CD70: variants seen among roughly 807,000 people sequenced by gnomAD.
CD70 encodes CD70 antigen.
Under a neutral mutation model 9.0 loss-of-function variants are expected in CD70, and 6 were observed. That is an observed-to-expected ratio of 0.67 (90% CI 0.37 to 1.32). The LOEUF (loss-of-function observed/expected upper bound fraction) is 1.32. Ranked by LOEUF, CD70 falls within the 40% of genes most tolerant of loss-of-function variation. The pLI is 0.02. For missense variants in CD70, 235 were observed against 258.7 expected, an observed-to-expected ratio of 0.91 and a Z score of 0.63; for synonymous variants, 108 against 112.3, an observed-to-expected ratio of 0.96 and a Z score of 0.24.
chr19:6,584,191 C>T (rs114590470), downstream of CD70, among the ~76,000 whole-genome samples: 3,662 of 151,492 alleles, frequency 0.024, 154 homozygotes, highest in Admixed American at 0.12. Flanking sequence ...AATGCTGTCC[C>T]GACCTCACTG....
chr19:6,586,392 G>C lies in CD70; in HGVS notation c.210C>G (p.Asp70Glu), dbSNP rs1916018918. 2 of 1,609,366 alleles carry C rather than the reference G, an allele frequency of 1.2e-6. No individual in the cohort carries two copies. The highest frequency in any genetic ancestry group is 4.5e-5 in the East Asian group (2 of 44,814). The change falls in exon 3 of 3, where the codon GAC (aspartate) becomes GAG (glutamate). Residue 70 changes from aspartate (D) to glutamate (E), a missense_variant. By Grantham distance (45) the Asp-to-Glu change is conservative. Coordinates refer to ENST00000245903, the MANE Select transcript of CD70 (RefSeq NM_001252.5). ...GGCCCCCCTGCCAGTATAGCCTGGG[G>C]TCCTGCTGAGGTCCTGGGGGCACAG... The part of the protein sequence containing the change: ...LQLNHTGPQQ[D>E]PRLYWQGGPA...
At chr19:6,584,434 G>A (rs1462744211), downstream of CD70, among the ~76,000 whole-genome samples, 1 of 151,942 alleles carries the variant, frequency 6.6e-6, no homozygotes, top group Non-Finnish European at 1.5e-5. Flanking sequence ...GAACCTGGGA[G>A]GGTGGAGGTT....
chr19:6,585,529 T>C (rs1428189188), downstream of CD70, among the ~76,000 whole-genome samples: 1 of 151,156 alleles, frequency 6.6e-6, no homozygotes, highest in African/African-American at 2.4e-5. Flanking sequence ...TTTGTAGAGA[T>C]GGGGGTCTCA....
At chr19:6,587,213 C>CGAGA (rs142923593) in intron 2 of CD70, among the ~76,000 whole-genome samples, 53,436 of 123,636 alleles carry the variant, frequency 0.43, 10,542 homozygotes, top group East Asian at 0.72. Context: ...CATGAGACAG[C>CGAGA]GAGAGAGTGT....
chr19:6,586,532 C>T (rs1916022207), intron 2 of CD70, 127 bp from the exon 3 acceptor site: 1 of 1,073,732 alleles, frequency 9.3e-7, no homozygotes, highest in East Asian at 2.6e-5. Context: ...GACGTGGTGG[C>T]TCATGCCTGA....
chr19:6,590,780 T>A lies in CD70; in HGVS notation c.162+61A>T. ...TCTGGCCTCTTTGTACCCATCTCAT[T>A]CTGTCTTTTCGGTCACGCGCCTCTC... On this transcript the variant is annotated intron_variant, in intron 1 of 2. Coordinates refer to ENST00000245903, the MANE Select transcript of CD70 (RefSeq NM_001252.5). This position sits in a 1 kb window ranked among gnomAD's most constrained non-coding sequence, Gnocchi z 5.3. The A allele has an allele frequency of 7.1e-7, 1 of 1,418,040 alleles. No homozygotes were observed. The highest frequency in any genetic ancestry group is 1.8e-4 in the Middle Eastern group (1 of 5,582). 87.8% of individuals were successfully genotyped at this position (1,418,040 alleles called of 1,614,324 possible). A position where few individuals can be genotyped will look rare whatever the true frequency, so the allele number is the denominator to read the frequency against.
downstream of CD70, among the ~76,000 whole-genome samples, chr19:6,584,232 AG>A (rs1403831284): frequency 6.7e-6 from 1 of 149,956 alleles, no homozygotes; most frequent in African/African-American, 2.4e-5. Flanking sequence ...TATAAGCGCT[AG>A]GCGCGGTGGC....
chr19:6,589,643 C>G (rs947900429), intron 2 of CD70, among the ~76,000 whole-genome samples: 8 of 151,994 alleles, frequency 5.3e-5, no homozygotes, highest in Admixed American at 4.6e-4. Context: ...ACCCGCCGCG[C>G]CCTCCGAAAG....
downstream of CD70, chr19:6,583,569 T>TTTTTG (rs1262150519): frequency 4.8e-5 from 19 of 395,024 alleles, no homozygotes; most frequent in Non-Finnish European, 7.0e-5. Context: ...TTTTTTTTTT[T>TTTTTG]TTTTTTTTAA....
Position 6,586,161 on chromosome 19 carries a change from G to A in CD70, c.441C>T (p.Phe147=), listed in dbSNP as rs761983088. Residue 147 remains phenylalanine, a synonymous_variant, in exon 3 of 3, where the codon TTC becomes TTT. Transcript: ENST00000245903. ...GGGAGGCAATGGTACAACCTTGGTGGAAGCTGAGACGCAGCAGGCTGATGC... is the reference window on the plus strand; with the variant it reads ...GGGAGGCAATGGTACAACCTTGGTGAAAGCTGAGACGCAGCAGGCTGATGC... ...SRSISLLRLS[F]HQGCTIASQR... is the part of the protein sequence containing the mutation. 3.1e-6 allele frequency: 5 copies of A among 1,614,170 alleles called. No individual in the cohort carries two copies. In the South Asian group the frequency reaches 5.5e-5, roughly 18 times the overall value.
Position 6,586,419 on chromosome 19 carries a change from G to A in CD70, c.197-14C>T. 4.4e-6 allele frequency: 7 copies of A among 1,591,754 alleles called. No homozygotes were observed. Among genetic ancestry groups the A allele is most frequent in the Non-Finnish European group, 6.0e-6 (7 of 1,168,816 alleles). Reference sequence around the variant, plus strand: ...CCTGCTGAGGTCCTGGGGGCACAGGGTTAGAGGGATGAGAGGATGGAGGTT... The same window carrying A: ...CCTGCTGAGGTCCTGGGGGCACAGGATTAGAGGGATGAGAGGATGGAGGTT... On this transcript the variant is annotated splice_polypyrimidine_tract_variant and intron_variant, in intron 2 of 2. Transcript: ENST00000245903.
intron 2 of CD70, among the ~76,000 whole-genome samples, chr19:6,589,282 T>G (rs1216099425): frequency 2.6e-5 from 4 of 151,830 alleles, no homozygotes; most frequent in Non-Finnish European, 5.9e-5. Flanking sequence ...TTTTTTTCTC[T>G]TTCTTCTTTC....
At chr19:6,586,539 C>G (rs761718000) in intron 2 of CD70, 134 bp from the exon 3 acceptor site, 48 of 1,021,690 alleles carry the variant, frequency 4.7e-5, no homozygotes, top group Non-Finnish European at 6.4e-5. Context: ...TGGCTCATGC[C>G]TGAAATCCTA....
At chr19:6,588,068 C>T (rs1295554089) in intron 2 of CD70, among the ~76,000 whole-genome samples, 1 of 152,174 alleles carries the variant, frequency 6.6e-6, no homozygotes, top group African/African-American at 2.4e-5. Context: ...ATCTGACTGA[C>T]ACACCTGAGC....
chr19:6,586,286 C>A lies in CD70; in HGVS notation c.316G>T (p.Val106Leu), dbSNP rs764119536. 1 of 1,613,788 alleles carries A rather than the reference C, an allele frequency of 6.2e-7. No homozygotes were observed. Among genetic ancestry groups the A allele is most frequent in the African/African-American group, 1.3e-5 (1 of 74,878 alleles). ...ATGGCCAGCGTCACCTGGATGTGTA[C>A]CATGTAGATGCCATCACGATGGATA... ...LRIHRDGIYMVHIQVTLAICS... is the reference protein window; with the variant it reads ...LRIHRDGIYMLHIQVTLAICS... The change falls in exon 3 of 3, where the codon GTA (valine) becomes TTA (leucine). Residue 106 changes from valine (V) to leucine (L), a missense_variant. Transcript: ENST00000245903.
At position 6,586,098 on chromosome 19, in the gene CD70, G is replaced by A. The variant is rs754940051; in HGVS notation, c.504C>T (p.Cys168=). Residue 168 remains cysteine (C), a synonymous_variant, in exon 3 of 3, where the codon TGC becomes TGT. Coordinates refer to ENST00000245903, the MANE Select transcript of CD70 (RefSeq NM_001252.5). ...GCAAAAGTGTCCCAGTGAGGTTGGT[G>A]CAGAGTGTGTCCCCTCGGGCCAGGG... The part of the protein sequence containing the change: ...LTPLARGDTL[C]TNLTGTLLPS... 1 of 1,614,062 alleles carries A rather than the reference G, an allele frequency of 6.2e-7. No individual in the cohort carries two copies. Among genetic ancestry groups the A allele is most frequent in the Non-Finnish European group, 8.5e-7 (1 of 1,179,904 alleles).
At chr19:6,583,553 CTTTTTTTTTTTT>C (rs72193958), downstream of CD70, 164,909 of 402,588 alleles carry the variant, frequency 0.41, 17,477 homozygotes, top group East Asian at 0.56. Context: ...TAATTGTAGT[CTTTTTTTTTTTT>C]TTTTTTTTTT....
chr19:6,585,605 G>A (rs902605664), downstream of CD70, among the ~76,000 whole-genome samples: 1 of 152,042 alleles, frequency 6.6e-6, no homozygotes, highest in African/African-American at 2.4e-5. Flanking sequence ...GCCTCCCAAA[G>A]TGCTGGGATT....
downstream of CD70, chr19:6,583,134 G>A (rs562054994): frequency 2.2e-6 from 1 of 457,106 alleles, no homozygotes; most frequent in East Asian, 3.3e-5. Flanking sequence ...CTAGAAGTGA[G>A]ATCATGGATG....
Sources: allele counts gnomAD v4.1 joint callset (sites outside exome capture counted in the v4.1 genomes callset), GRCh38; gene constraint gnomAD v4.1.1; non-coding constraint Gnocchi (gnomAD v3.1); transcripts MANE v1.5; gene names NCBI Gene and HGNC (gene_info 2026-07-23, HGNC 2026-07-21).